CDH23: variants seen among roughly 807,000 people sequenced by gnomAD.
CDH23 encodes cadherin related 23.
A neutral mutation model predicts 317.1 loss-of-function variants in CDH23; 189 were observed. That is an observed-to-expected ratio of 0.60 (90% CI 0.53 to 0.67). The LOEUF (loss-of-function observed/expected upper bound fraction) is 0.67. Among genes scored for constraint, CDH23 ranks in the 30% least tolerant of loss-of-function variants. The probability of loss-of-function intolerance (pLI) is 0.00; values close to 1 mark genes in which losing one functional copy is unlikely to be tolerated. For synonymous variants in CDH23, 1,839 were observed against 1,876.8 expected (o/e 0.98, Z 0.52); for missense variants, 4,401 against 4,592.4 (o/e 0.96, Z 1.20).
chr10:71,445,162 C>T (rs1009588635), intron 2 of CDH23, among the ~76,000 whole-genome samples: 1 of 152,160 alleles, frequency 6.6e-6, no homozygotes, highest in Non-Finnish European at 1.5e-5. Flanking sequence ...GGATGGCCAC[C>T]GCCACTTGCC....
Position 71,694,818 on chromosome 10 carries a change from T to C in CDH23, c.2289+559T>C, listed in dbSNP as rs190558763. ...CCAGCTGACAGTCACTCCAGCCACC[T>C]CCCCTCTTTGTTCCCCATTCGGTTT... On this transcript the variant is annotated intron_variant, in intron 21 of 69. Transcript: ENST00000224721. Among the ~76,000 whole-genome samples, 75 of 152,176 alleles carry C rather than the reference T, an allele frequency of 4.9e-4. 5 individuals carry two copies. Among genetic ancestry groups the C allele is most frequent in the African/African-American group, 1.7e-3 (72 of 41,520 alleles).
chr10:71,468,666 G>T (rs1418025316), intron 3 of CDH23, among the ~76,000 whole-genome samples: 1 of 152,216 alleles, frequency 6.6e-6, no homozygotes, highest in Admixed American at 6.5e-5. Context: ...ACTGGAAATG[G>T]TGTCTGGCAC....
chr10:71,725,315 A>T lies in CDH23; in HGVS notation c.3431-57A>T, dbSNP rs963009294. On this transcript the variant is annotated intron_variant, in intron 29 of 69. Transcript: ENST00000224721. ...CTGCCCCCAACCATGGCAGGCCAGC[A>T]CAGCAGGAGACTTCTGGGCAGGGCC... 57 of 1,611,878 alleles carry T rather than the reference A, an allele frequency of 3.5e-5. No homozygotes were observed. The Admixed American group carries it at 9.2e-4, about 26-fold the overall frequency.
chr10:71,668,314 C>A (rs1030845140), intron 14 of CDH23, among the ~76,000 whole-genome samples: 2 of 152,280 alleles, frequency 1.3e-5, no homozygotes, highest in African/African-American at 4.8e-5. Flanking sequence ...TGTGGGGGCC[C>A]ATCGGTCTTC....
chr10:71,552,315 G>T (rs75007835), intron 6 of CDH23, among the ~76,000 whole-genome samples: 1 of 152,250 alleles, frequency 6.6e-6, no homozygotes, highest in East Asian at 1.9e-4. Context: ...GAGCTGGAGG[G>T]ACAGGGCAAC....
At chr10:71,591,076 G>A (rs1859463290) in intron 9 of CDH23, among the ~76,000 whole-genome samples, 1 of 151,962 alleles carries the variant, frequency 6.6e-6, no homozygotes, top group Admixed American at 6.6e-5. Flanking sequence ...TTGAGGATTT[G>A]CTACAGAGGT....
chr10:71,657,332 G>A (rs1863460878), intron 14 of CDH23, among the ~76,000 whole-genome samples: 1 of 152,228 alleles, frequency 6.6e-6, no homozygotes, highest in Non-Finnish European at 1.5e-5. Flanking sequence ...ATGAAATAAT[G>A]TATGGCCAGG....
intron 3 of CDH23, among the ~76,000 whole-genome samples, chr10:71,486,368 G>T (rs565458637): frequency 1.3e-5 from 2 of 152,288 alleles, no homozygotes; most frequent in South Asian, 4.1e-4. Flanking sequence ...CTTCCTGGAG[G>T]GGGTGGGCCT....
intron 11 of CDH23, among the ~76,000 whole-genome samples, chr10:71,637,220 C>T (rs1397626444): frequency 5.3e-5 from 8 of 152,140 alleles, no homozygotes; most frequent in Non-Finnish European, 1.0e-4. Flanking sequence ...ACAGAAAGTA[C>T]AGCCGAGGAA....
At chr10:71,749,940 T>C (rs1839952578) in intron 38 of CDH23, 2 of 152,048 alleles carry the variant, frequency 1.3e-5, no homozygotes, top group Admixed American at 1.3e-4. Flanking sequence ...TGGACTATGC[T>C]CTCCACAGTA....
At chr10:71,756,018 C>T (rs1733201262) in intron 38 of CDH23, among the ~76,000 whole-genome samples, 1 of 152,150 alleles carries the variant, frequency 6.6e-6, no homozygotes, top group Non-Finnish European at 1.5e-5. Flanking sequence ...ATCCCAGAGA[C>T]TCCTTAGCTC....
chr10:71,597,835 C>A (rs971126394), intron 9 of CDH23, among the ~76,000 whole-genome samples: 1 of 152,186 alleles, frequency 6.6e-6, no homozygotes, highest in African/African-American at 2.4e-5. Flanking sequence ...ACAGGACAGA[C>A]AAAACTGTCG....
At chr10:71,515,507 A>T (rs1175487086) in intron 6 of CDH23, among the ~76,000 whole-genome samples, 1 of 149,098 alleles carries the variant, frequency 6.7e-6, no homozygotes, top group Non-Finnish European at 1.5e-5. Flanking sequence ...CATCTCACCT[A>T]CCATGTTCGG....
chr10:71,428,532 C>T (rs1198970228), intron 1 of CDH23, among the ~76,000 whole-genome samples: 2 of 151,768 alleles, frequency 1.3e-5, no homozygotes, highest in African/African-American at 4.8e-5. Flanking sequence ...TTATAGCTCC[C>T]TAATGGTAGT....
At position 71,778,365 on chromosome 10, in the gene CDH23, C is replaced by G. The variant is rs1840867107; in HGVS notation, c.5187+57C>G. 6.9e-6 allele frequency: 11 copies of G among 1,605,020 alleles called. No homozygotes were observed. The South Asian group carries it at 1.2e-4, about 18-fold the overall frequency. ...CTTGGAGGTTGGCGAAGGATGGGAC[C>G]CAGAAAGCTCCGATGCGGGAAGGGG... On this transcript the variant is annotated intron_variant, in intron 40 of 69. Coordinates refer to ENST00000224721, the MANE Select transcript of CDH23 (RefSeq NM_022124.6).
Position 71,815,216 on chromosome 10 carries a change from A to C in CDH23, c.10003A>C (p.Thr3335Pro). ...CGCCCGCACAGAATCCGCCAAATCC[A>C]CACCCCTGCACAAACTTCGCGACGT... is the stretch of plus-strand genomic sequence containing the variant. The part of the protein sequence containing the change: ...RNARTESAKS[T>P]PLHKLRDVIM... The change falls in exon 70 of 70, where the codon ACA becomes CCA. Residue 3335 changes from threonine (T) to proline (P), a missense_variant. Physicochemically the swap from Thr to Pro is conservative, Grantham distance 38. Around this residue, in one of 3 missense-constraint regions of CDH23, gnomAD observed 1,144 missense variants for 1,138.2 expected, o/e 1.01. Coordinates refer to ENST00000224721, the MANE Select transcript of CDH23 (RefSeq NM_022124.6). The C allele has an allele frequency of 6.2e-7, 1 of 1,601,282 alleles. No individual in the cohort carries two copies. Among genetic ancestry groups the C allele is most frequent in the Non-Finnish European group, 8.5e-7 (1 of 1,170,612 alleles).
At chr10:71,761,817 G>A (rs764853756) in intron 38 of CDH23, 11 of 1,614,130 alleles carry the variant, frequency 6.8e-6, no homozygotes, top group Middle Eastern at 1.6e-4. Context: ...TGGTGCAGGT[G>A]AAGGTCCTGG....
intron 38 of CDH23, among the ~76,000 whole-genome samples, chr10:71,767,250 G>A (rs978724423): frequency 6.6e-6 from 1 of 152,234 alleles, no homozygotes; most frequent in Non-Finnish European, 1.5e-5. Context: ...CACGGGATGG[G>A]TGTGTGTGGG....
chr10:71,495,582 C>T (rs745465369), intron 3 of CDH23, among the ~76,000 whole-genome samples: 2 of 151,890 alleles, frequency 1.3e-5, no homozygotes, highest in Admixed American at 6.6e-5. Flanking sequence ...CCTGTAATCC[C>T]AGCACTTTGG....
Sources: gnomAD v4.1 joint callset for allele counts (sites outside exome capture counted in the v4.1 genomes callset) on GRCh38, gnomAD v4.1.1 for gene constraint, gnomAD v4.1.1 regional missense constraint, MANE v1.5 for transcripts, NCBI Gene and HGNC (gene_info 2026-07-23, HGNC 2026-07-21) for gene names.